The following NRXN3 variants were observed in gnomAD, a reference collection of about 807,000 sequenced individuals.
NRXN3 encodes neurexin 3.
Under a neutral mutation model 137.6 loss-of-function variants are expected in NRXN3, and 32 were observed. That is an observed-to-expected ratio of 0.23 (90% CI 0.18 to 0.31). The LOEUF (loss-of-function observed/expected upper bound fraction) is 0.31. NRXN3 is among the 10% of genes least tolerant of loss of function. The pLI is 1.00. For synonymous variants in NRXN3, 798 were observed against 784.5 expected (o/e 1.02, Z -0.29); for missense variants, 1,574 against 2,062.5 (o/e 0.76, Z 4.59).
At chr14:79,136,934 T>C (rs890820294) in intron 15 of NRXN3, among the ~76,000 whole-genome samples, 6 of 152,270 alleles carry the variant, frequency 3.9e-5, no homozygotes, top group African/African-American at 1.4e-4. Context: ...ACAGGAGGCA[T>C]CCATGGAACA....
At chr14:79,274,542 G>A (rs2079961900) in intron 15 of NRXN3, among the ~76,000 whole-genome samples, 1 of 151,056 alleles carries the variant, frequency 6.6e-6, no homozygotes, top group African/African-American at 2.4e-5. Context: ...TCCAATCTAA[G>A]CTTAGTGAAG....
intron 4 of NRXN3, among the ~76,000 whole-genome samples, chr14:78,496,818 G>A (rs2095793464): frequency 6.6e-6 from 1 of 151,940 alleles, no homozygotes; most frequent in Non-Finnish European, 1.5e-5. Context: ...CAGGGAAGAG[G>A]GAGAAGTTAA....
At chr14:79,601,421 ACT>A (rs1261551699) in intron 16 of NRXN3, among the ~76,000 whole-genome samples, 3 of 152,112 alleles carry the variant, frequency 2.0e-5, no homozygotes, top group Non-Finnish European at 2.9e-5. Context: ...TCTATCCTGT[ACT>A]GTAATCCTAC....
chr14:78,918,298 A>AAAAAAG (rs2099261850), intron 10 of NRXN3, among the ~76,000 whole-genome samples: 1 of 149,494 alleles, frequency 6.7e-6, no homozygotes, highest in African/African-American at 2.5e-5. Flanking sequence ...AAAAAAAAAA[A>AAAAAAG]AAAAAAAAAG....
rs531841552 is a variant in NRXN3 at position 79,255,013 on chromosome 14, T to G, written c.3263-212208T>G. 4.6e-5 allele frequency among the ~76,000 whole-genome samples: 7 copies of G among 152,318 alleles called. No homozygotes were observed. The South Asian group carries it at 1.2e-3, about 27-fold the overall frequency. ...CCCATAATTGCTTGGAAGGGCGGTG[T>G]TGATTTAAGCCTTGTTTCATTGAAG... On this transcript the variant is annotated intron_variant, in intron 15 of 20. Transcript: ENST00000335750.
At chr14:79,398,646 A>G (rs147397612) in intron 15 of NRXN3, among the ~76,000 whole-genome samples, 1 of 152,192 alleles carries the variant, frequency 6.6e-6, no homozygotes, top group Non-Finnish European at 1.5e-5. Flanking sequence ...AAAATAAGGA[A>G]ATAGTGCTAT....
rs111756755 is a variant in NRXN3 at position 79,107,960 on chromosome 14, A to G, written c.3262+119819A>G. 4.3e-3 allele frequency among the ~76,000 whole-genome samples: 651 copies of G among 152,314 alleles called. 2 individuals are homozygous for G. Among genetic ancestry groups the G allele is most frequent in the Non-Finnish European group, 6.9e-3 (472 of 68,012 alleles). On this transcript the variant is annotated intron_variant, in intron 15 of 20. Transcript: ENST00000335750. ...AATGTGCCAAAGGAAATGATTAAAT[A>G]TGGTTAGTATCTATTCCCTATATAG...
rs199865431 is a variant in NRXN3 at position 79,514,159 on chromosome 14, CT to C, written c.3444+46766del. Among the ~76,000 whole-genome samples the C allele has an allele frequency of 8.3e-3, 1,239 of 149,302 alleles. 12 individuals are homozygous for C. The highest frequency in any genetic ancestry group is 0.029 in the African/African-American group (1,149 of 40,216). On this transcript the variant is annotated intron_variant, in intron 16 of 20. Coordinates refer to ENST00000335750, the MANE Select transcript of NRXN3 (RefSeq NM_001330195.2). Reference sequence around the variant, plus strand: ...GAGATAGAGATATAGGCAATGTTTTCTTTTTTTTTATTTTTATCCACCACCC... The same window carrying C: ...GAGATAGAGATATAGGCAATGTTTTCTTTTTTTTATTTTTATCCACCACCC...
At chr14:78,677,578 T>C (rs1484219444) in intron 6 of NRXN3, among the ~76,000 whole-genome samples, 1 of 152,166 alleles carries the variant, frequency 6.6e-6, no homozygotes. Flanking sequence ...AAAGATGCTG[T>C]GGACAATGTT....
At position 78,182,845 on chromosome 14, in the gene NRXN3, G is replaced by GA. The variant is rs200249350; in HGVS notation, c.-704+12180dup. 9.4e-3 allele frequency among the ~76,000 whole-genome samples: 1,425 copies of GA among 151,692 alleles called. 16 individuals are homozygous for GA. Among genetic ancestry groups the GA allele is most frequent in the African/African-American group, 0.033 (1,360 of 41,330 alleles). Reference sequence around the variant, plus strand: ...TTCTTATCCCTTTTTTTGCAGGTGAGAAAAAAAAAGTTTTTGGGAGGTTCA... The same window carrying GA: ...TTCTTATCCCTTTTTTTGCAGGTGAGAAAAAAAAAAGTTTTTGGGAGGTTCA... On this transcript the variant is annotated intron_variant, in intron 1 of 20. Transcript: ENST00000335750.
At chr14:79,658,105 G>A (rs2098515459) in intron 16 of NRXN3, among the ~76,000 whole-genome samples, 1 of 152,068 alleles carries the variant, frequency 6.6e-6, no homozygotes, top group African/African-American at 2.4e-5. Flanking sequence ...ATGTATTTCT[G>A]TTATAGAAAT....
rs929429510 is a variant in NRXN3, at chr14:78,230,301, C to CCTCTGT, written c.-703-12069_-703-12064dup. ...TGGCCTCCTAGATCCCTTCTAGCCA[C>CCTCTGT]CTCTGTCTCTGTCTCTGTCTCTGTC... On this transcript the variant is annotated intron_variant, in intron 1 of 20. Transcript: ENST00000335750. Among the ~76,000 whole-genome samples the CCTCTGT allele has an allele frequency of 1.8e-4, 28 of 151,668 alleles. No homozygotes were observed. The East Asian group carries it at 3.9e-3, about 21-fold the overall frequency.
chr14:78,301,036 A>G (rs2076823537), intron 4 of NRXN3, among the ~76,000 whole-genome samples: 1 of 152,014 alleles, frequency 6.6e-6, no homozygotes, highest in Non-Finnish European at 1.5e-5. Context: ...GAAATTATGT[A>G]TCATTGTTGC....
intron 1 of NRXN3, among the ~76,000 whole-genome samples, chr14:78,172,909 G>A (rs1297118283): frequency 2.0e-5 from 3 of 152,034 alleles, no homozygotes; most frequent in East Asian, 1.9e-4. Context: ...GGGTTTTGAC[G>A]GCGTTCTGGC....
chr14:78,863,588 C>A (rs1337816579), intron 10 of NRXN3, among the ~76,000 whole-genome samples: 1 of 152,068 alleles, frequency 6.6e-6, no homozygotes, highest in Non-Finnish European at 1.5e-5. Context: ...AAAATTTATA[C>A]CTACAGCCTT....
intron 15 of NRXN3, among the ~76,000 whole-genome samples, chr14:79,126,789 C>T (rs1457298907): frequency 6.6e-6 from 1 of 152,146 alleles, no homozygotes; most frequent in Non-Finnish European, 1.5e-5. Context: ...ACAGTCCCAC[C>T]AACAGTGTAA....
intron 15 of NRXN3, among the ~76,000 whole-genome samples, chr14:79,380,685 T>A (rs1599456000): frequency 6.6e-6 from 1 of 152,210 alleles, no homozygotes; most frequent in African/African-American, 2.4e-5. Context: ...TATAGCAGTA[T>A]GATTTATAAT....
At chr14:78,712,561 A>G (rs946752010) in intron 7 of NRXN3, among the ~76,000 whole-genome samples, 1 of 152,080 alleles carries the variant, frequency 6.6e-6, no homozygotes, top group African/African-American at 2.4e-5. Context: ...ACTTTAGTTA[A>G]TTAATTAATT....
intron 16 of NRXN3, among the ~76,000 whole-genome samples, chr14:79,511,046 G>A (rs2096927705): frequency 6.6e-6 from 1 of 152,074 alleles, no homozygotes; most frequent in Non-Finnish European, 1.5e-5. Context: ...GGTTTTGGAA[G>A]AATTCTTAAT....
Sources: allele counts gnomAD v4.1 joint callset (sites outside exome capture counted in the v4.1 genomes callset), GRCh38; gene constraint gnomAD v4.1.1; transcripts MANE v1.5; gene names NCBI Gene and HGNC (gene_info 2026-07-23, HGNC 2026-07-21).